The following FBXO17 variants were observed in gnomAD, a reference collection of about 807,000 sequenced individuals.
The protein encoded by FBXO17 is F-box only protein 17.
FBXO17 carries 43 observed loss-of-function variants against 34.1 expected under a neutral mutation model. The observed-to-expected ratio is 1.26, with a 90% CI of 0.99 to 1.62. The LOEUF (loss-of-function observed/expected upper bound fraction) is 1.62. Ranked by LOEUF, FBXO17 falls within the 40% of genes most tolerant of loss-of-function variation. The pLI is 0.00. For missense variants in FBXO17, 424 were observed against 386.7 expected, an observed-to-expected ratio of 1.10 and a Z score of -0.81; for synonymous variants, 169 against 166.0, an observed-to-expected ratio of 1.02 and a Z score of -0.14.
chr19:38,955,944 C>T (rs1490439622), intron 1 of FBXO17, among the ~76,000 whole-genome samples: 1 of 151,996 alleles, frequency 6.6e-6, no homozygotes, highest in Admixed American at 6.6e-5. Flanking sequence ...GGAAAAGCCC[C>T]TGTAGGCTCC....
intron 2 of FBXO17, among the ~76,000 whole-genome samples, 171 bp from the exon 3 acceptor site, chr19:38,948,849 C>G (rs923868111): frequency 5.9e-5 from 9 of 152,202 alleles, no homozygotes; most frequent in Non-Finnish European, 1.2e-4. Flanking sequence ...GGTCCTACCC[C>G]ACAACTGTGA....
At chr19:38,954,337 T>G (rs1331871954) in intron 1 of FBXO17, among the ~76,000 whole-genome samples, 1 of 152,098 alleles carries the variant, frequency 6.6e-6, no homozygotes, top group African/African-American at 2.4e-5. Flanking sequence ...TGGCGCGATT[T>G]CAGCTCACTG....
chr19:38,969,526 C>G (rs759618069), intron 1 of FBXO17, among the ~76,000 whole-genome samples: 3 of 149,648 alleles, frequency 2.0e-5, no homozygotes, highest in Non-Finnish European at 4.4e-5. Flanking sequence ...AAAATACTAT[C>G]AAAGAGAACT....
intron 4 of FBXO17, chr19:38,946,210 G>A: frequency 1.8e-6 from 1 of 548,784 alleles, no homozygotes. Context: ...GTTTCAGAGG[G>A]GTATCAAGCC....
rs1308164024 is a variant in FBXO17 at position 38,950,416 on chromosome 19, C to T, written c.-17-80G>A. The T allele has an allele frequency of 2.9e-6, 4 of 1,380,710 alleles. 1 individual carries two copies. The highest frequency in any genetic ancestry group is 7.2e-5 in the Admixed American group (2 of 27,850). The allele number at this position is 1,380,710 out of a possible 1,614,324, so 85.5% of individuals were successfully genotyped here. A position where few individuals can be genotyped will look rare whatever the true frequency, so the allele number is the denominator to read the frequency against. On this transcript the variant is annotated intron_variant, in intron 1 of 5. Transcript: ENST00000292852. ...CTACCTTGTCCCCCAGGGCGCAAGG[C>T]CCCTGCTGCTCGAGAGACCCCATTA...
chr19:38,948,039 T>C (rs12985638), intron 3 of FBXO17, among the ~76,000 whole-genome samples: 113,157 of 148,228 alleles, frequency 0.76, 44,456 homozygotes, highest in East Asian at 0.97. Context: ...CAGAGTCTCA[T>C]TCTGTCGCCC....
chr19:38,951,044 CCT>C (rs1236180850), intron 1 of FBXO17, among the ~76,000 whole-genome samples: 5 of 152,142 alleles, frequency 3.3e-5, no homozygotes, highest in African/African-American at 7.2e-5. Flanking sequence ...CCCACTTCGG[CCT>C]CTCAAAGTGC....
At position 38,941,480 on chromosome 19, in the gene FBXO17, T is replaced by TCAC. The variant is rs1384650021; in HGVS notation, c.*1127_*1128insGTG. Reference sequence around the variant, plus strand: ...GAACAGAGATTTACCCACATATTTATTGACAGCAAGCCAGTGATAAGCATT... The same window carrying TCAC: ...GAACAGAGATTTACCCACATATTTATCACTGACAGCAAGCCAGTGATAAGCATT... On this transcript the variant is annotated 3_prime_UTR_variant, in exon 6 of 6. Transcript: ENST00000292852. 1 of 152,200 alleles carries TCAC rather than the reference T, an allele frequency of 6.6e-6. No homozygotes were observed. Among genetic ancestry groups the TCAC allele is most frequent in the Non-Finnish European group, 1.5e-5 (1 of 68,034 alleles). The allele number at this position is 152,200 out of a possible 1,614,324, so 9.4% of individuals were successfully genotyped here.
Position 38,954,895 on chromosome 19 carries a change from T to TTTATTATTA in FBXO17, c.-17-4568_-17-4560dup, listed in dbSNP as rs139274792. Among the ~76,000 whole-genome samples the TTTATTATTA allele has an allele frequency of 9.8e-4, 131 of 134,222 alleles. 2 individuals carry two copies. Among genetic ancestry groups the TTTATTATTA allele is most frequent in the Admixed American group, 1.0e-3 (13 of 12,992 alleles). 88.1% of individuals were successfully genotyped at this position (134,222 alleles called of 152,430 possible). A position where few individuals can be genotyped will look rare whatever the true frequency, so the allele number is the denominator to read the frequency against. On this transcript the variant is annotated intron_variant, in intron 1 of 5. Coordinates refer to ENST00000292852, the MANE Select transcript of FBXO17 (RefSeq NM_024907.7). The stretch of plus-strand genomic sequence containing the variant: ...TGCGCCTGCCCTGACAATGTGTTAT[T>TTTATTATTA]TTATTATTATTATTATTATTATTAT...
At position 38,950,192 on chromosome 19, in the gene FBXO17, CG is replaced by C; in HGVS notation, c.127del (p.Arg43AlafsTer10). 6.4e-7 allele frequency: 1 copy of C among 1,555,834 alleles called. No individual in the cohort carries two copies. The highest frequency in any genetic ancestry group is 2.4e-5 in the East Asian group (1 of 41,518). On this transcript the variant is annotated frameshift_variant, in exon 2 of 6. Transcript: ENST00000292852. LOFTEE classifies it high-confidence loss of function. ...VPPRSLVTRCRPVCRAWRDIV... is the reference protein window; with the variant it reads ...VPPRSLVTRCXPVCRAWRDIV... ...GTCGCGCCAGGCGCGGCACACTGGGCGGCATCGCGTGACCAAGGAGCGTGGC... is the reference window on the plus strand; with the variant it reads ...GTCGCGCCAGGCGCGGCACACTGGGCGCATCGCGTGACCAAGGAGCGTGGC...
At chr19:38,962,942 C>T (rs1304626617) in intron 1 of FBXO17, among the ~76,000 whole-genome samples, 2 of 152,096 alleles carry the variant, frequency 1.3e-5, no homozygotes, top group Non-Finnish European at 2.9e-5. Context: ...GATCTCTTGA[C>T]CTCGTGATCC....
chr19:38,947,457 A>C (rs921031483), intron 3 of FBXO17: 6 of 152,004 alleles, frequency 3.9e-5, no homozygotes, highest in African/African-American at 1.4e-4. Flanking sequence ...ATGGTGGCGC[A>C]CCTCTGTAGT....
At chr19:38,957,366 A>G (rs903647158) in intron 1 of FBXO17, among the ~76,000 whole-genome samples, 5 of 151,882 alleles carry the variant, frequency 3.3e-5, no homozygotes, top group Admixed American at 3.3e-4. Flanking sequence ...TGTTTTTTTG[A>G]GACGGAGTCT....
chr19:38,967,607 C>T (rs1354110407), intron 1 of FBXO17, among the ~76,000 whole-genome samples: 1 of 150,508 alleles, frequency 6.6e-6, no homozygotes, highest in Non-Finnish European at 1.5e-5. Context: ...CTCTGTTGCT[C>T]AGGCTGGAGT....
chr19:38,966,295 G>C (rs971887954), intron 1 of FBXO17, among the ~76,000 whole-genome samples: 1 of 116,520 alleles, frequency 8.6e-6, no homozygotes, highest in East Asian at 3.1e-4. Context: ...TAAAAATTTT[G>C]TGTGTGTGTG....
chr19:38,943,137 A>C (rs376315948), intron 5 of FBXO17, among the ~76,000 whole-genome samples: 6 of 151,016 alleles, frequency 4.0e-5, no homozygotes, highest in African/African-American at 1.5e-4. Flanking sequence ...CCTGGAGCTG[A>C]GTGAGGGGAG....
chr19:38,967,218 G>T (rs1007628288), intron 1 of FBXO17, among the ~76,000 whole-genome samples: 3 of 152,192 alleles, frequency 2.0e-5, no homozygotes, highest in East Asian at 1.9e-4. Flanking sequence ...AGCACTTTGG[G>T]AGGCTGAGGC....
intron 1 of FBXO17, among the ~76,000 whole-genome samples, chr19:38,965,107 A>G (rs1051347365): frequency 6.6e-6 from 1 of 152,140 alleles, no homozygotes; most frequent in Non-Finnish European, 1.5e-5. Flanking sequence ...ATGTTTAAGA[A>G]AACTAGCAGC....
chr19:38,942,998 T>C (rs985614256), intron 5 of FBXO17, among the ~76,000 whole-genome samples: 2 of 151,736 alleles, frequency 1.3e-5, no homozygotes, highest in Non-Finnish European at 2.9e-5. Flanking sequence ...GGCAGGAATG[T>C]GAGTAGAGTG....
Sources: allele counts gnomAD v4.1 joint callset (sites outside exome capture counted in the v4.1 genomes callset), GRCh38; gene constraint gnomAD v4.1.1; transcripts MANE v1.5; gene names NCBI Gene and HGNC (gene_info 2026-07-23, HGNC 2026-07-21).